Variants in TMEM116 observed in about 807,000 individuals in gnomAD.
TMEM116 encodes transmembrane protein 116.
Under a neutral mutation model 44.3 loss-of-function variants are expected in TMEM116, and 38 were observed. The observed-to-expected ratio is 0.86, with a 90% confidence interval of 0.66 to 1.12. The LOEUF is 1.12. Among genes scored for constraint, TMEM116 ranks in the 50% most tolerant of loss-of-function variants. TMEM116 has a pLI of 0.00. For missense variants in TMEM116, 354 were observed against 401.7 expected, an observed-to-expected ratio of 0.88 and a Z score of 1.01; for synonymous variants, 132 against 144.8, an observed-to-expected ratio of 0.91 and a Z score of 0.64.
chr12:111,968,614 A>T (rs2136437349), intron 4 of TMEM116, among the ~76,000 whole-genome samples: 1 of 152,378 alleles, frequency 6.6e-6, no homozygotes, highest in East Asian at 1.9e-4. Flanking sequence ...AGATATTAGA[A>T]CTAGAAGTAA....
At chr12:112,010,216 A>G (rs1376152665) in intron 1 of TMEM116, among the ~76,000 whole-genome samples, 1 of 152,092 alleles carries the variant, frequency 6.6e-6, no homozygotes, top group African/African-American at 2.4e-5. Context: ...GCTTAACTCT[A>G]TTTCCACCAG....
Position 111,931,815 on chromosome 12 carries a change from T to C in TMEM116, c.820A>G (p.Thr274Ala). 1 of 1,525,234 alleles carries C rather than the reference T, an allele frequency of 6.6e-7. No individual in the cohort carries two copies. The highest frequency in any genetic ancestry group is 8.8e-7 in the Non-Finnish European group (1 of 1,139,610). 94.5% of individuals were successfully genotyped at this position (1,525,234 alleles called of 1,614,324 possible). A position where few individuals can be genotyped will look rare whatever the true frequency, so the allele number is the denominator to read the frequency against. Residue 274 changes from threonine to alanine, a missense_variant, in exon 11 of 11, where the codon ACA (threonine) becomes GCA (alanine). Physicochemically the swap from Thr to Ala is moderately conservative, Grantham distance 58. Coordinates refer to ENST00000552374, the MANE Select transcript of TMEM116 (RefSeq NM_001193531.2). ...CCACAGTTGAGTAGACCCTGAGATG[T>C]TGCCGTTAGAGCCTGGAGGAGATGA... is the stretch of plus-strand genomic sequence containing the variant. ...ALYVLQALTATSQGLLNCGVY... is the reference protein window; with the variant it reads ...ALYVLQALTAASQGLLNCGVY...
chr12:111,944,207 A>G (rs1336628636), intron 4 of TMEM116, among the ~76,000 whole-genome samples: 1 of 152,146 alleles, frequency 6.6e-6, no homozygotes, highest in Non-Finnish European at 1.5e-5. Flanking sequence ...TAACAGGAAT[A>G]GAATTTACCC....
chr12:111,991,586 C>G (rs903242752), intron 4 of TMEM116, among the ~76,000 whole-genome samples, 172 bp downstream of exon 4: 1 of 150,382 alleles, frequency 6.6e-6, no homozygotes, highest in Non-Finnish European at 1.5e-5. Flanking sequence ...TCTGAATTTT[C>G]AAAATATTCT....
At chr12:111,933,718 G>C (rs1279489703) in intron 9 of TMEM116, among the ~76,000 whole-genome samples, 168 bp downstream of exon 9, 3 of 150,008 alleles carry the variant, frequency 2.0e-5, no homozygotes, top group Admixed American at 6.7e-5. Context: ...GGATGGTCTC[G>C]ATCTCCTGAC....
chr12:112,002,428 G>A (rs932274577), intron 3 of TMEM116, among the ~76,000 whole-genome samples: 2 of 150,778 alleles, frequency 1.3e-5, no homozygotes, highest in African/African-American at 4.9e-5. Context: ...AGCTGGATGC[G>A]GTGGCAGTTA....
At chr12:111,950,409 T>C (rs2073633349) in intron 4 of TMEM116, among the ~76,000 whole-genome samples, 1 of 151,552 alleles carries the variant, frequency 6.6e-6, no homozygotes, top group African/African-American at 2.4e-5. Flanking sequence ...GGCAGAACAT[T>C]GGTGTAATTA....
chr12:111,999,517 G>A (rs1270150066), intron 3 of TMEM116, among the ~76,000 whole-genome samples: 4 of 151,624 alleles, frequency 2.6e-5, no homozygotes, highest in African/African-American at 7.3e-5. Context: ...TGCTTGAACC[G>A]AGACCCTGGT....
At chr12:112,006,108 A>C in intron 1 of TMEM116, 1 of 264,268 alleles carries the variant, frequency 3.8e-6, no homozygotes, top group Non-Finnish European at 5.9e-6. Context: ...CTCCTCCTAT[A>C]CTGAATCCTG....
chr12:111,958,308 A>G (rs1007496280), intron 4 of TMEM116, among the ~76,000 whole-genome samples: 8 of 119,096 alleles, frequency 6.7e-5, no homozygotes, highest in African/African-American at 3.0e-4. Flanking sequence ...AAAAAAAAAA[A>G]TAGGAGGCCC....
intron 4 of TMEM116, among the ~76,000 whole-genome samples, chr12:111,983,886 A>G (rs2076081698): frequency 6.6e-6 from 1 of 152,134 alleles, no homozygotes; most frequent in African/African-American, 2.4e-5. Flanking sequence ...AAAAGAACAG[A>G]CCAATATCCC....
At chr12:111,933,791 C>T (rs2071871848) in intron 9 of TMEM116, 95 bp downstream of exon 9, 27 of 1,505,046 alleles carry the variant, frequency 1.8e-5, no homozygotes, top group African/African-American at 4.2e-5. Context: ...CCACTGTGCC[C>T]GACCTCAGCC....
At chr12:111,973,575 T>C (rs931460269) in intron 4 of TMEM116, among the ~76,000 whole-genome samples, 1 of 152,218 alleles carries the variant, frequency 6.6e-6, no homozygotes, top group Non-Finnish European at 1.5e-5. Flanking sequence ...ATTAGAAATA[T>C]CTCAAATCAA....
chr12:111,974,171 G>A (rs1253814704), intron 4 of TMEM116, among the ~76,000 whole-genome samples: 1 of 151,102 alleles, frequency 6.6e-6, no homozygotes, highest in East Asian at 1.9e-4. Flanking sequence ...CACCAAACTA[G>A]AAAAATTTCC....
At chr12:111,956,651 C>T (rs1024706765) in intron 4 of TMEM116, among the ~76,000 whole-genome samples, 29 of 152,328 alleles carry the variant, frequency 1.9e-4, no homozygotes, top group African/African-American at 6.3e-4. Flanking sequence ...GTGCCTGGGA[C>T]TGCAGGTGCG....
At chr12:111,940,519 ATG>A (rs1162947796) in intron 5 of TMEM116, among the ~76,000 whole-genome samples, 2 of 110,638 alleles carry the variant, frequency 1.8e-5, no homozygotes, top group Admixed American at 9.2e-5. Flanking sequence ...ACACATATAT[ATG>A]TGTATATATA....
intron 3 of TMEM116, among the ~76,000 whole-genome samples, chr12:111,992,322 T>A (rs1051011265): frequency 1.3e-5 from 2 of 150,270 alleles, no homozygotes; most frequent in Non-Finnish European, 3.0e-5. Flanking sequence ...CAGGCTAGAG[T>A]GCAGTGGCAC....
chr12:111,981,652 G>A (rs547408171), intron 4 of TMEM116, among the ~76,000 whole-genome samples: 1 of 152,298 alleles, frequency 6.6e-6, no homozygotes, highest in Admixed American at 6.5e-5. Context: ...AGGGACAACA[G>A]AAAGGTCAAA....
At chr12:111,998,920 A>G (rs1011589609) in intron 3 of TMEM116, among the ~76,000 whole-genome samples, 1 of 152,168 alleles carries the variant, frequency 6.6e-6, no homozygotes, top group African/African-American at 2.4e-5. Context: ...GGAGGACAAA[A>G]CGAGGTGAGG....
Sources: allele counts gnomAD v4.1 joint callset (sites outside exome capture counted in the v4.1 genomes callset), GRCh38; gene constraint gnomAD v4.1.1; transcripts MANE v1.5; gene names NCBI Gene and HGNC (gene_info 2026-07-23, HGNC 2026-07-21).